CSMD1: variants seen among roughly 807,000 people sequenced by gnomAD.
CSMD1 encodes the protein CUB and Sushi multiple domains 1, also known as CUB and sushi domain-containing protein 1.
CSMD1 carries 213 observed loss-of-function variants against 417.5 expected under a neutral mutation model. The observed-to-expected ratio is 0.51, with a 90% CI of 0.46 to 0.57. The LOEUF (loss-of-function observed/expected upper bound fraction) is 0.57. Ranked by LOEUF, CSMD1 falls within the 20% of genes least tolerant of loss-of-function variation. The pLI, the probability that CSMD1 is intolerant of heterozygous loss-of-function variation, is 0.00. For synonymous variants in CSMD1, 2,862 were observed against 1,736.8 expected, an observed-to-expected ratio of 1.65 and a Z score of -16.11; for missense variants, 6,923 against 4,529.7, an observed-to-expected ratio of 1.53 and a Z score of -15.17.
chr8:3,742,959 C>T (rs76812105), intron 6 of CSMD1, among the ~76,000 whole-genome samples: 243 of 152,292 alleles, frequency 1.6e-3, no homozygotes, highest in Middle Eastern at 6.8e-3. Flanking sequence ...CAGGATACCA[C>T]GAGGCACAGA....
At chr8:3,782,901 T>C (rs1481714) in intron 5 of CSMD1, among the ~76,000 whole-genome samples, 26,965 of 152,066 alleles carry the variant, frequency 0.18, 2,648 homozygotes, top group East Asian at 0.31. Flanking sequence ...AAAAAATAAA[T>C]AAATAAATAA....
intron 5 of CSMD1, among the ~76,000 whole-genome samples, chr8:3,839,968 G>C (rs1318739944): frequency 2.0e-5 from 3 of 152,076 alleles, no homozygotes; most frequent in Non-Finnish European, 4.4e-5. Flanking sequence ...CTGAAGCATT[G>C]GGTGAGATGT....
chr8:3,679,207 G>T (rs1194743101), intron 7 of CSMD1, among the ~76,000 whole-genome samples: 1 of 152,090 alleles, frequency 6.6e-6, no homozygotes, highest in Admixed American at 6.6e-5. Flanking sequence ...ATGCAAATGG[G>T]CTAAATGCTC....
chr8:3,377,610 A>G (rs1003912675), intron 18 of CSMD1, among the ~76,000 whole-genome samples: 1 of 151,812 alleles, frequency 6.6e-6, no homozygotes, highest in Admixed American at 6.6e-5. Flanking sequence ...TTGATCCTTC[A>G]CTCAGTTTCC....
At chr8:3,758,463 G>A (rs541200452) in intron 5 of CSMD1, among the ~76,000 whole-genome samples, 2 of 152,198 alleles carry the variant, frequency 1.3e-5, no homozygotes, top group East Asian at 1.9e-4. Context: ...TGTTCCAAAT[G>A]AGACCTGGCC....
chr8:4,983,632 C>T (rs756105300), intron 1 of CSMD1, among the ~76,000 whole-genome samples: 9 of 152,158 alleles, frequency 5.9e-5, no homozygotes, highest in Non-Finnish European at 1.3e-4. Context: ...AAGCGATTCT[C>T]CTGCCTCAAC....
At chr8:4,965,995 C>G (rs1296524715) in intron 1 of CSMD1, among the ~76,000 whole-genome samples, 1 of 152,034 alleles carries the variant, frequency 6.6e-6, no homozygotes, top group Non-Finnish European at 1.5e-5. Context: ...ATCCAGAATG[C>G]AAATCAGACT....
At position 3,866,055 on chromosome 8, in the gene CSMD1, G is replaced by T. The variant is rs558075506; in HGVS notation, c.819-112013C>A. Among the ~76,000 whole-genome samples the T allele has an allele frequency of 3.2e-3, 485 of 151,672 alleles. 1 individual carries two copies. Among genetic ancestry groups the T allele is most frequent in the South Asian group, 0.012 (58 of 4,790 alleles). The stretch of plus-strand genomic sequence containing the variant: ...ACACAGTAACACTTAAAAAGAACAA[G>T]TAAAATGTCTTTAAAAATTCTATTC... On this transcript the variant is annotated intron_variant, in intron 5 of 69. Transcript: ENST00000635120.
At chr8:3,983,537 T>C (rs960161929) in intron 5 of CSMD1, among the ~76,000 whole-genome samples, 1 of 152,190 alleles carries the variant, frequency 6.6e-6, no homozygotes, top group African/African-American at 2.4e-5. Context: ...TGGATGCCAT[T>C]TCAGTGCCGT....
chr8:4,091,468 A>G (rs1295569166), intron 3 of CSMD1, among the ~76,000 whole-genome samples: 2 of 152,328 alleles, frequency 1.3e-5, no homozygotes, highest in Middle Eastern at 3.4e-3. Flanking sequence ...AACAGCAAAC[A>G]GAGGGATTTT....
intron 5 of CSMD1, among the ~76,000 whole-genome samples, chr8:3,784,502 G>T (rs1200792222): frequency 6.6e-6 from 1 of 152,076 alleles, no homozygotes; most frequent in African/African-American, 2.4e-5. Context: ...CTTATTTTTG[G>T]ACTTGCTAGA....
chr8:3,409,656 T>C (rs752536099), intron 12 of CSMD1, 51 bp from the exon 13 acceptor site: 6 of 1,401,076 alleles, frequency 4.3e-6, no homozygotes, highest in Non-Finnish European at 4.8e-6. Context: ...ACAAGGAATA[T>C]TTTTATCTCT....
chr8:4,287,850 C>T (rs965460321), intron 3 of CSMD1, among the ~76,000 whole-genome samples: 2 of 151,992 alleles, frequency 1.3e-5, no homozygotes, highest in Admixed American at 1.3e-4. Flanking sequence ...AAGTGCCTCC[C>T]CTGTTCCTAG....
At chr8:4,481,988 A>C (rs1447503864) in intron 2 of CSMD1, among the ~76,000 whole-genome samples, 1 of 152,158 alleles carries the variant, frequency 6.6e-6, no homozygotes, top group African/African-American at 2.4e-5. Flanking sequence ...TATAGGCTTT[A>C]TCAGTACAAG....
At chr8:3,037,435 T>C (rs1006501454) in intron 50 of CSMD1, among the ~76,000 whole-genome samples, 24 of 152,034 alleles carry the variant, frequency 1.6e-4, no homozygotes, top group African/African-American at 4.8e-4. Flanking sequence ...GTCTGGATCT[T>C]CTGACCTCGT....
chr8:3,677,604 C>G (rs953157021), intron 7 of CSMD1, among the ~76,000 whole-genome samples: 3 of 152,118 alleles, frequency 2.0e-5, no homozygotes, highest in African/African-American at 7.2e-5. Flanking sequence ...GATTGGCCCT[C>G]TGAGTTTAGA....
intron 2 of CSMD1, among the ~76,000 whole-genome samples, chr8:4,465,554 T>C (rs941362049): frequency 2.0e-5 from 3 of 152,112 alleles, no homozygotes; most frequent in African/African-American, 7.2e-5. Flanking sequence ...AGAATGGAAG[T>C]CAAGTAAAGC....
chr8:3,129,239 A>G (rs936090808), intron 41 of CSMD1, among the ~76,000 whole-genome samples: 1 of 152,242 alleles, frequency 6.6e-6, no homozygotes, highest in Admixed American at 6.5e-5. Flanking sequence ...CTCATAAATT[A>G]CATAACATGG....
intron 3 of CSMD1, among the ~76,000 whole-genome samples, chr8:4,306,334 AT>A (rs1798243509): frequency 6.6e-6 from 1 of 152,142 alleles, no homozygotes. Context: ...CATCATCACC[AT>A]TTTTACTCCT....
Sources: gnomAD v4.1 joint callset for allele counts (sites outside exome capture counted in the v4.1 genomes callset) on GRCh38, gnomAD v4.1.1 for gene constraint, MANE v1.5 for transcripts, NCBI Gene and HGNC (gene_info 2026-07-23, HGNC 2026-07-21) for gene names.